CAD: variants seen among roughly 807,000 people sequenced by gnomAD.
The protein encoded by CAD is carbamoyl-phosphate synthetase 2, aspartate transcarbamylase, and dihydroorotase, also known as multifunctional protein CAD.
A neutral mutation model predicts 237.2 loss-of-function variants in CAD; 81 were observed. That is an observed-to-expected ratio of 0.34 (90% CI 0.29 to 0.41). CAD has a LOEUF of 0.41. CAD is among the 10% of genes least tolerant of loss of function. The pLI is 1.00. For synonymous variants in CAD, 1,196 were observed against 1,162.8 expected, an observed-to-expected ratio of 1.03 and a Z score of -0.58; for missense variants, 2,181 against 2,951.7, an observed-to-expected ratio of 0.74 and a Z score of 6.05.
In CAD at chr2:27,241,090, C is replaced by A; in HGVS notation, c.5671C>A (p.Pro1891Thr). The A allele has an allele frequency of 6.2e-7, 1 of 1,608,840 alleles. No homozygotes were observed. Among genetic ancestry groups the A allele is most frequent in the South Asian group, 1.1e-5 (1 of 90,562 alleles). ...GGGAACCCCTGATGGCACCTGCTAC[C>A]CTCCACCACCAGTACCGAGACAGGC... ...LMGTPDGTCY[P>T]PPPVPRQASP... The change falls in exon 37 of 44, where the codon CCT becomes ACT. Residue 1891 changes from proline to threonine, a missense_variant. Coordinates refer to ENST00000264705, the MANE Select transcript of CAD (RefSeq NM_004341.5). This position sits in a 1 kb window ranked among gnomAD's most constrained non-coding sequence, Gnocchi z 4.6.
At position 27,240,374 on chromosome 2, in the gene CAD, T is replaced by A; in HGVS notation, c.5593+13T>A. 2.5e-6 allele frequency: 4 copies of A among 1,611,172 alleles called. No individual in the cohort carries two copies. Among genetic ancestry groups the A allele is most frequent in the Non-Finnish European group, 3.4e-6 (4 of 1,177,376 alleles). ...CCAGGTTTGCCAGGTAAGAGTGGGGTTCCTGTGACTCAGAGACTGTGTAGG... is the reference window on the plus strand; with the variant it reads ...CCAGGTTTGCCAGGTAAGAGTGGGGATCCTGTGACTCAGAGACTGTGTAGG... On this transcript the variant is annotated intron_variant, in intron 35 of 43. Transcript: ENST00000264705. The surrounding 1 kb of genome is among the most constrained non-coding windows in gnomAD (Gnocchi z 4.6).
At position 27,232,658 on chromosome 2, in the gene CAD, C is replaced by T; in HGVS notation, c.2856C>T (p.Asp952=). 6.2e-7 allele frequency: 1 copy of T among 1,614,224 alleles called. No individual in the cohort carries two copies. The highest frequency in any genetic ancestry group is 8.5e-7 in the Non-Finnish European group (1 of 1,180,032). ...GTATTGGCTCTAGCGTTGAATTTGA[C>T]TGGTGTGCTGTAGGCTGCATCCAGC... is the stretch of plus-strand genomic sequence containing the variant. ...VYRIGSSVEF[D]WCAVGCIQQL... Residue 952 remains aspartate (D), a synonymous_variant, in exon 18 of 44, where the codon GAC becomes GAT. Coordinates refer to ENST00000264705, the MANE Select transcript of CAD (RefSeq NM_004341.5). The surrounding 1 kb of genome is among the most constrained non-coding windows in gnomAD (Gnocchi z 4.1).
intron 22 of CAD, 143 bp downstream of exon 22, chr2:27,234,369 C>T (rs1675903289): frequency 9.0e-7 from 1 of 1,115,970 alleles, no homozygotes. Context: ...AGCTAGAGCT[C>T]ATGGTGTTGG....
chr2:27,233,056 C>T lies in CAD; in HGVS notation c.2907C>T (p.Thr969=). Residue 969 remains threonine, a synonymous_variant, in exon 19 of 44, where the codon ACC becomes ACT. Transcript: ENST00000264705. The surrounding 1 kb of genome is among the most constrained non-coding windows in gnomAD (Gnocchi z 6.3). ...CCCTCTTGCAGATGGGATATAAGAC[C>T]ATCATGGTGAACTATAACCCAGAGA... ...IQQLRKMGYK[T]IMVNYNPETV... 2 of 1,609,836 alleles carry T rather than the reference C, an allele frequency of 1.2e-6. No homozygotes were observed. Among genetic ancestry groups the T allele is most frequent in the East Asian group, 2.2e-5 (1 of 44,854 alleles).
chr2:27,231,608 C>A, intron 16 of CAD, 28 bp downstream of exon 16: 1 of 1,373,000 alleles, frequency 7.3e-7, no homozygotes, highest in African/African-American at 1.4e-5. Flanking sequence ...CCTGGCAATA[C>A]CCCTAAAATA....
intron 15 of CAD, among the ~76,000 whole-genome samples, chr2:27,231,142 G>A (rs1253549532): frequency 6.6e-6 from 1 of 152,132 alleles, no homozygotes; most frequent in African/African-American, 2.4e-5. Flanking sequence ...AGTAGCTGGG[G>A]CTACAGGCGC....
chr2:27,240,694 C>A lies in CAD; in HGVS notation c.5594-217C>A. On this transcript the variant is annotated intron_variant, in intron 35 of 43. Transcript: ENST00000264705. The surrounding 1 kb of genome is among the most constrained non-coding windows in gnomAD (Gnocchi z 4.6). ...ATGCCTTTGCCAACTGGGAGAGCCC[C>A]GGGAGGGCACCACTGCTCCCATACA... 1 of 1,438,302 alleles carries A rather than the reference C, an allele frequency of 7.0e-7. No individual in the cohort carries two copies. The highest frequency in any genetic ancestry group is 1.3e-5 in the South Asian group (1 of 78,646). 89.1% of individuals were successfully genotyped at this position (1,438,302 alleles called of 1,614,324 possible).
At position 27,241,521 on chromosome 2, in the gene CAD, C is replaced by T. The variant is rs1356815082; in HGVS notation, c.5883+125C>T. On this transcript the variant is annotated intron_variant, in intron 38 of 43. Transcript: ENST00000264705. This position sits in a 1 kb window ranked among gnomAD's most constrained non-coding sequence, Gnocchi z 4.6. ...GCCATCCCGTCCCCTTATGCTAGTC[C>T]ATCCCTCTGCTGCTGTAGATCTTCC... is the stretch of plus-strand genomic sequence containing the variant. 2.3e-5 allele frequency: 20 copies of T among 882,476 alleles called. No individual in the cohort carries two copies. In the Admixed American group the frequency reaches 4.0e-4, roughly 17 times the overall value. The allele number at this position is 882,476 out of a possible 1,614,324, so 54.7% of individuals were successfully genotyped here. A position where few individuals can be genotyped will look rare whatever the true frequency, so the allele number is the denominator to read the frequency against.
chr2:27,233,304 C>G lies in CAD; in HGVS notation c.2992-8C>G, dbSNP rs1675853937. ...CTGCCACCACTTGTTTCTCCCCCTG[C>G]AACGTAGGTGGTGATGGACATCTAT... is the stretch of plus-strand genomic sequence containing the variant. On this transcript the variant is annotated splice_region_variant and splice_polypyrimidine_tract_variant and intron_variant, in intron 19 of 43. Coordinates refer to ENST00000264705, the MANE Select transcript of CAD (RefSeq NM_004341.5). This position sits in a 1 kb window ranked among gnomAD's most constrained non-coding sequence, Gnocchi z 6.3. The G allele has an allele frequency of 6.2e-7, 1 of 1,611,144 alleles. No homozygotes were observed. The highest frequency in any genetic ancestry group is 1.3e-5 in the African/African-American group (1 of 74,882).
In CAD at chr2:27,224,021, G is replaced by A. The variant is rs766915720; in HGVS notation, c.1100G>A (p.Gly367Asp). ...VKEATAGNPG[G>D]QTVRERLTER... ...GAGGCCACAGCTGGGAACCCTGGGG[G>A]CCAGACAGGTAAGATCCTGAGTAGA... is the stretch of plus-strand genomic sequence containing the variant. The change falls in exon 8 of 44, where the codon GGC (glycine) becomes GAC (aspartate). Residue 367 changes from glycine to aspartate, a missense_variant. By Grantham distance (94) the Gly-to-Asp change is moderately conservative. This residue lies in a region of CAD where 129 missense variants were observed against 143.3 expected (regional missense o/e 0.90). Coordinates refer to ENST00000264705, the MANE Select transcript of CAD (RefSeq NM_004341.5). The A allele has an allele frequency of 5.2e-5, 83 of 1,610,134 alleles. No homozygotes were observed. The highest frequency in any genetic ancestry group is 6.8e-5 in the Non-Finnish European group (80 of 1,176,456).
rs1454614801 is a variant in CAD, at chr2:27,239,570, C to T, written c.5394+99C>T. 15 of 1,530,488 alleles carry T rather than the reference C, an allele frequency of 9.8e-6. No homozygotes were observed. The East Asian group carries it at 2.5e-4, about 26-fold the overall frequency. The allele number at this position is 1,530,488 out of a possible 1,614,324, so 94.8% of individuals were successfully genotyped here. A position where few individuals can be genotyped will look rare whatever the true frequency, so the allele number is the denominator to read the frequency against. ...CATCTACACTGTCCCACTATGTGCA[C>T]CACTGCCCTGGACCAGGGGTTGGGG... On this transcript the variant is annotated intron_variant, in intron 33 of 43. Transcript: ENST00000264705. The surrounding 1 kb of genome is among the most constrained non-coding windows in gnomAD (Gnocchi z 4.0).
chr2:27,237,671 T>C lies in CAD; in HGVS notation c.4564-47T>C. ...AGGCCACTGGTGCCAGGCTAGCCTGTGTGGGCATGGGTGCCAGTGAGCCTT... is the reference window on the plus strand; with the variant it reads ...AGGCCACTGGTGCCAGGCTAGCCTGCGTGGGCATGGGTGCCAGTGAGCCTT... On this transcript the variant is annotated intron_variant, in intron 28 of 43. Transcript: ENST00000264705. This position sits in a 1 kb window ranked among gnomAD's most constrained non-coding sequence, Gnocchi z 4.0. 6.3e-7 allele frequency: 1 copy of C among 1,588,204 alleles called. No homozygotes were observed. The highest frequency in any genetic ancestry group is 8.6e-7 in the Non-Finnish European group (1 of 1,165,064).
In CAD at chr2:27,239,778, G is replaced by T; in HGVS notation, c.5476G>T (p.Ala1826Ser). 1 of 1,570,334 alleles carries T rather than the reference G, an allele frequency of 6.4e-7. No individual in the cohort carries two copies. The highest frequency in any genetic ancestry group is 8.6e-7 in the Non-Finnish European group (1 of 1,157,668). The change falls in exon 34 of 44, where the codon GCC becomes TCC. Residue 1826 changes from alanine to serine, a missense_variant. By Grantham distance (99) the Ala-to-Ser change is moderately conservative. This residue lies in a region of CAD where 478 missense variants were observed against 515.0 expected (regional missense o/e 0.93). Coordinates refer to ENST00000264705, the MANE Select transcript of CAD (RefSeq NM_004341.5). This position sits in a 1 kb window ranked among gnomAD's most constrained non-coding sequence, Gnocchi z 4.0. ...AVPQLPPSAP[A>S]TSEMTTTPER... is the part of the protein sequence containing the mutation. Reference sequence around the variant, plus strand: ...TCCTCAGCTCCCACCCTCAGCCCCTGCCACTAGTGAGATGACCACGGTATC... The same window carrying T: ...TCCTCAGCTCCCACCCTCAGCCCCTTCCACTAGTGAGATGACCACGGTATC...
chr2:27,225,368 G>A (rs972924500), intron 11 of CAD, 125 bp downstream of exon 11: 3 of 627,532 alleles, frequency 4.8e-6, no homozygotes, highest in East Asian at 2.8e-5. Context: ...GTACAGTGGC[G>A]TGATCTCGGC....
chr2:27,232,965 G>A lies in CAD; in HGVS notation c.2893-77G>A. The A allele has an allele frequency of 3.0e-6, 3 of 1,008,326 alleles. No homozygotes were observed. The South Asian group carries it at 3.9e-5, about 13-fold the overall frequency. 62.5% of individuals were successfully genotyped at this position (1,008,326 alleles called of 1,614,324 possible). ...TGGCAGTCTCTGAAGTAGGGGCTTT[G>A]GCTTAGTTTCTCCACGATTTTCTCC... On this transcript the variant is annotated intron_variant, in intron 18 of 43. Transcript: ENST00000264705. This position sits in a 1 kb window ranked among gnomAD's most constrained non-coding sequence, Gnocchi z 4.1.
chr2:27,220,691 C>A (rs966460529), intron 2 of CAD, among the ~76,000 whole-genome samples: 5 of 150,352 alleles, frequency 3.3e-5, no homozygotes, highest in Non-Finnish European at 7.4e-5. Context: ...GGTGCGATGG[C>A]TCACTCCTGT....
intron 5 of CAD, 44 bp from the exon 6 acceptor site, chr2:27,222,822 A>G: frequency 6.2e-7 from 1 of 1,602,434 alleles, no homozygotes; most frequent in Non-Finnish European, 8.5e-7. Context: ...TGTCTCCTGT[A>G]ATTGAAATAC....
intron 15 of CAD, among the ~76,000 whole-genome samples, chr2:27,230,782 GT>G (rs2148074428): frequency 6.6e-6 from 1 of 152,322 alleles, no homozygotes; most frequent in East Asian, 1.9e-4. Context: ...TCCAGTTGGT[GT>G]TATGATTATG....
chr2:27,222,348 G>C lies in CAD; in HGVS notation c.495+12G>C, dbSNP rs373991313. 32 of 1,603,052 alleles carry C rather than the reference G, an allele frequency of 2.0e-5. No individual in the cohort carries two copies. The highest frequency in any genetic ancestry group is 2.6e-5 in the Non-Finnish European group (31 of 1,171,128). ...AGGTCTCCATTAAGGTACAGAGGTA[G>C]AGTGGGAGAGTGTTGCAAGCTCTAG... On this transcript the variant is annotated intron_variant, in intron 4 of 43. Coordinates refer to ENST00000264705, the MANE Select transcript of CAD (RefSeq NM_004341.5).
Sources: allele counts gnomAD v4.1 joint callset (sites outside exome capture counted in the v4.1 genomes callset), GRCh38; gene constraint gnomAD v4.1.1; regional missense constraint gnomAD v4.1.1; non-coding constraint Gnocchi (gnomAD v3.1); transcripts MANE v1.5; gene names NCBI Gene and HGNC (gene_info 2026-07-23, HGNC 2026-07-21).